The following MSN variants were observed in gnomAD, a reference collection of about 807,000 sequenced individuals.
MSN encodes the protein moesin, also known as epididymis luminal protein 70.
MSN carries 2 observed loss-of-function variants against 48.0 expected under a neutral mutation model. The observed-to-expected ratio is 0.04, with a 90% CI of 0.02 to 0.13. MSN has a LOEUF of 0.13. Among genes scored for constraint, MSN ranks in the 10% least tolerant of loss-of-function variants. MSN has a pLI of 1.00. For synonymous variants in MSN, 146 were observed against 166.9 expected (o/e 0.87, Z 0.97); for missense variants, 267 against 470.1 (o/e 0.57, Z 3.99).
intron 1 of MSN, among the ~76,000 whole-genome samples, chrX:65,703,703 T>A (rs752719733): frequency 5.4e-4 from 61 of 111,977 alleles, no homozygotes; most frequent in African/African-American, 1.9e-3. Context: ...TAAGTATTAG[T>A]AGCTGGGACT....
chrX:65,658,371 C>G (rs1255473481), intron 1 of MSN, among the ~76,000 whole-genome samples: 1 of 111,935 alleles, frequency 8.9e-6, no homozygotes, highest in African/African-American at 3.2e-5. Context: ...TCTCATCTGT[C>G]TCTGACACAT....
chrX:65,689,887 GT>G (rs1247881831), intron 1 of MSN, among the ~76,000 whole-genome samples: 6 of 111,745 alleles, frequency 5.4e-5, no homozygotes, highest in African/African-American at 2.0e-4. Flanking sequence ...TTGAAGCAAG[GT>G]TTGGAAAAAG....
intron 1 of MSN, among the ~76,000 whole-genome samples, chrX:65,658,707 C>T (rs1030912005): frequency 9.0e-6 from 1 of 111,401 alleles, no homozygotes; most frequent in African/African-American, 3.3e-5. Context: ...TCTTTATTGC[C>T]GTGAACTTAG....
At chrX:65,652,287 C>T (rs899619017) in intron 1 of MSN, among the ~76,000 whole-genome samples, 2 of 111,345 alleles carry the variant, frequency 1.8e-5, no homozygotes, top group Non-Finnish European at 3.8e-5. Flanking sequence ...CCCACAGAGC[C>T]AGGATGATTT....
At chrX:65,636,015 A>C (rs1436506296) in intron 1 of MSN, among the ~76,000 whole-genome samples, 2 of 112,140 alleles carry the variant, frequency 1.8e-5, no homozygotes, top group Non-Finnish European at 3.8e-5. Flanking sequence ...GAAGGGAGAA[A>C]AAAGAATCTC....
chrX:65,720,064 G>T (rs1286536833), intron 2 of MSN, among the ~76,000 whole-genome samples: 1 of 111,126 alleles, frequency 9.0e-6, no homozygotes. Context: ...CAAAGCCTTT[G>T]GGAGACTTGG....
At chrX:65,604,285 G>C (rs1360642858) in intron 1 of MSN, among the ~76,000 whole-genome samples, 1 of 112,109 alleles carries the variant, frequency 8.9e-6, no homozygotes, top group Non-Finnish European at 1.9e-5. Flanking sequence ...TCATGGTAGG[G>C]TTGTGGTGCA....
intron 1 of MSN, among the ~76,000 whole-genome samples, chrX:65,699,748 CAAAAAAAAAA>C (rs34875923): frequency 2.3e-5 from 1 of 43,036 alleles, no homozygotes; most frequent in Non-Finnish European, 4.5e-5. Context: ...GAATCTGTTT[CAAAAAAAAAA>C]AAAAAAAAAA....
rs763830529 is a variant in MSN at position 65,724,971 on chromosome X, G to A, written c.97-2843G>A. Among the ~76,000 whole-genome samples the A allele has an allele frequency of 5.4e-5, 6 of 111,982 alleles. No homozygotes were observed. In the South Asian group the frequency reaches 2.2e-3, roughly 42 times the overall value. On this transcript the variant is annotated intron_variant, in intron 2 of 12. Transcript: ENST00000360270. ...CAAAGTGCTGGGATTATAAGCGTGAGCCAACACGCCCAGCCCATTTTATGT... is the reference window on the plus strand; with the variant it reads ...CAAAGTGCTGGGATTATAAGCGTGAACCAACACGCCCAGCCCATTTTATGT...
intron 1 of MSN, among the ~76,000 whole-genome samples, chrX:65,650,222 G>A (rs1234541046): frequency 9.3e-6 from 1 of 108,015 alleles, no homozygotes; most frequent in African/African-American, 3.4e-5. Flanking sequence ...CAAATAGCTG[G>A]GACCACAGGT....
rs140091484 is a variant in MSN at position 65,716,437 on chromosome X, G to A, written c.13-381G>A. The A allele has an allele frequency of 7.9e-3, 1,945 of 246,544 alleles. 30 individuals carry two copies. Among genetic ancestry groups the A allele is most frequent in the African/African-American group, 0.048 (1,686 of 34,860 alleles). The allele number at this position is 246,544 out of a possible 1,213,427, so 20.3% of individuals were successfully genotyped here. On this transcript the variant is annotated intron_variant, in intron 1 of 12. Transcript: ENST00000360270. ...ACTACAGGTGTGCACCACCATGCCC[G>A]GATAATTTTTGTATTTTTAGTAGAG...
rs2070937171 is a variant in MSN, at chrX:65,671,091, T to G, written c.12+3238T>G. On this transcript the variant is annotated intron_variant, in intron 1 of 12. Transcript: ENST00000360270. The stretch of plus-strand genomic sequence containing the variant: ...GATGTTCTTGAGTTTCTGGTTTCCT[T>G]CCTTGGGATTTATTAGATGTTAGTA... Among the ~76,000 whole-genome samples, 3 of 106,155 alleles carry G rather than the reference T, an allele frequency of 2.8e-5. No homozygotes were observed. The South Asian group carries it at 1.3e-3, about 45-fold the overall frequency. The allele number at this position is 106,155 out of a possible 115,157, so 92.2% of individuals were successfully genotyped here.
chrX:65,618,438 A>C (rs1158538565), intron 1 of MSN, among the ~76,000 whole-genome samples: 1 of 111,234 alleles, frequency 9.0e-6, no homozygotes, highest in Non-Finnish European at 1.9e-5. Flanking sequence ...TTCTTGTTGA[A>C]TTGATCCCTT....
intron 1 of MSN, among the ~76,000 whole-genome samples, chrX:65,621,393 A>G (rs1281329436): frequency 2.7e-5 from 3 of 112,244 alleles, no homozygotes; most frequent in Non-Finnish European, 3.8e-5. Context: ...TGGTTTCAAC[A>G]TCCTTATCAA....
intron 1 of MSN, among the ~76,000 whole-genome samples, chrX:65,704,323 G>A (rs2071339495): frequency 8.9e-6 from 1 of 111,968 alleles, no homozygotes; most frequent in Admixed American, 9.5e-5. Flanking sequence ...GAAGGAATCT[G>A]TTGTTCTTGG....
At chrX:65,607,973 T>C (rs1356746253) in intron 1 of MSN, among the ~76,000 whole-genome samples, 1 of 111,739 alleles carries the variant, frequency 8.9e-6, no homozygotes, top group African/African-American at 3.3e-5. Context: ...AATAAAAAGA[T>C]ACAAGGAAAT....
chrX:65,666,309 C>T (rs2070869337), upstream of MSN, among the ~76,000 whole-genome samples: 1 of 108,802 alleles, frequency 9.2e-6, no homozygotes, highest in Non-Finnish European at 1.9e-5. Context: ...TAAGCCACTG[C>T]ACATGGTCTC....
intron 1 of MSN, among the ~76,000 whole-genome samples, chrX:65,650,052 C>CTTTTTTTTTTT (rs59222247): frequency 2.3e-4 from 12 of 53,194 alleles, no homozygotes; most frequent in African/African-American, 6.7e-4. Flanking sequence ...CCTTTTTTCT[C>CTTTTTTTTTTT]TTTTTTTTTT....
At chrX:65,726,284 T>A (rs1399875484) in intron 2 of MSN, among the ~76,000 whole-genome samples, 3 of 111,636 alleles carry the variant, frequency 2.7e-5, no homozygotes, top group African/African-American at 9.8e-5. Context: ...GTACTTGGCA[T>A]TAGGACATAG....
Sources: gnomAD v4.1 joint callset for allele counts (sites outside exome capture counted in the v4.1 genomes callset) on GRCh38, gnomAD v4.1.1 for gene constraint, MANE v1.5 for transcripts, NCBI Gene and HGNC (gene_info 2026-07-23, HGNC 2026-07-21) for gene names.